Variants in EYS observed in about 807,000 individuals in gnomAD.
The protein encoded by EYS is EGF-like photoreceptor maintenance factor, also known as protein eyes shut homolog.
A neutral mutation model predicts 282.1 loss-of-function variants in EYS; 250 were observed. The ratio of observed to expected loss-of-function variants is 0.89; its 90% CI spans 0.80 to 0.98. The LOEUF (loss-of-function observed/expected upper bound fraction) is 0.98, where lower values mean the gene tolerates loss of function less well. Among genes scored for constraint, EYS ranks in the 50% least tolerant of loss-of-function variants. The pLI, the probability that EYS is intolerant of heterozygous loss-of-function variation, is 0.00. For synonymous variants in EYS, 1,355 were observed against 1,282.9 expected (o/e 1.06, Z -1.20); for missense variants, 4,016 against 3,709.0 (o/e 1.08, Z -2.15).
intron 8 of EYS, among the ~76,000 whole-genome samples, chr6:65,357,624 T>A (rs1002530121): frequency 3.3e-4 from 50 of 152,132 alleles, no homozygotes; most frequent in African/African-American, 1.2e-3. Context: ...GTGGATAATA[T>A]AAAACAAATG....
intron 26 of EYS, among the ~76,000 whole-genome samples, chr6:64,474,973 C>G (rs1022665876): frequency 2.0e-5 from 3 of 152,188 alleles, no homozygotes; most frequent in African/African-American, 7.2e-5. Context: ...TGAGCTGATT[C>G]TCCTGGGTCT....
chr6:64,369,237 A>G (rs1300101313), intron 29 of EYS, among the ~76,000 whole-genome samples: 1 of 152,038 alleles, frequency 6.6e-6, no homozygotes, highest in Non-Finnish European at 1.5e-5. Context: ...ATAGGTGTAC[A>G]GCATTATTTC....
At chr6:63,928,337 A>C (rs1764781754) in intron 35 of EYS, among the ~76,000 whole-genome samples, 1 of 152,180 alleles carries the variant, frequency 6.6e-6, no homozygotes, top group South Asian at 2.1e-4. Context: ...CATTCTTCTC[A>C]TTGCCTAGGA....
At chr6:64,273,124 T>C (rs1311751946) in intron 30 of EYS, among the ~76,000 whole-genome samples, 1 of 152,170 alleles carries the variant, frequency 6.6e-6, no homozygotes, top group African/African-American at 2.4e-5. Context: ...ATGGAAGTGG[T>C]AAAAAGCTTA....
intron 8 of EYS, among the ~76,000 whole-genome samples, chr6:65,367,581 T>C (rs1764963052): frequency 6.6e-6 from 1 of 151,708 alleles, no homozygotes; most frequent in Non-Finnish European, 1.5e-5. Context: ...ATCTATCACT[T>C]CTTATAGTTG....
At chr6:64,896,366 A>G (rs1562247763) in intron 18 of EYS, among the ~76,000 whole-genome samples, 1 of 152,066 alleles carries the variant, frequency 6.6e-6, no homozygotes, top group Non-Finnish European at 1.5e-5. Flanking sequence ...AGGGAAGCCC[A>G]GAGGGACCTT....
chr6:65,605,485 C>T lies in EYS; in HGVS notation c.-333+34293G>A, dbSNP rs188363205. Among the ~76,000 whole-genome samples, 1,058 of 151,880 alleles carry T rather than the reference C, an allele frequency of 7.0e-3. 9 individuals carry two copies. The highest frequency in any genetic ancestry group is 0.012 in the Non-Finnish European group (819 of 67,872). On this transcript the variant is annotated intron_variant, in intron 2 of 42. Coordinates refer to ENST00000503581, the MANE Select transcript of EYS (RefSeq NM_001142800.2). ...ATTTGTACAGCCTTTTAGAAATACT[C>T]CTTTTGAATATATGTCTAATAAATT...
intron 22 of EYS, among the ~76,000 whole-genome samples, chr6:64,649,727 A>T (rs1339061388): frequency 6.6e-6 from 1 of 152,204 alleles, no homozygotes; most frequent in Non-Finnish European, 1.5e-5. Flanking sequence ...TCTGACAAAT[A>T]TCTCAAAGAC....
intron 31 of EYS, among the ~76,000 whole-genome samples, chr6:64,184,346 CT>C (rs773980670): frequency 3.9e-5 from 6 of 152,094 alleles, no homozygotes; most frequent in Non-Finnish European, 8.8e-5. Flanking sequence ...AACCATGTGC[CT>C]TCTGCCTGAT....
intron 36 of EYS, among the ~76,000 whole-genome samples, chr6:63,810,080 A>T (rs1385886701): frequency 8.7e-6 from 1 of 114,288 alleles, no homozygotes; most frequent in African/African-American, 3.2e-5. Flanking sequence ...CCTCTACTTT[A>T]AAAAAAAAAA....
intron 2 of EYS, among the ~76,000 whole-genome samples, chr6:65,574,996 A>C (rs576512402): frequency 2.0e-5 from 3 of 152,130 alleles, no homozygotes; most frequent in Non-Finnish European, 4.4e-5. Context: ...TTTGAAAATT[A>C]AACAGCATGG....
At chr6:64,193,432 T>A (rs1765178974) in intron 31 of EYS, among the ~76,000 whole-genome samples, 1 of 152,004 alleles carries the variant, frequency 6.6e-6, no homozygotes. Context: ...TGCCTCAGCC[T>A]CCCCAGTAGC....
At chr6:64,956,668 T>G (rs1481851139) in intron 14 of EYS, among the ~76,000 whole-genome samples, 1 of 152,078 alleles carries the variant, frequency 6.6e-6, no homozygotes, top group Non-Finnish European at 1.5e-5. Flanking sequence ...AGAGGAAAAT[T>G]TTTGTAAATT....
chr6:63,764,997 G>A (rs1325263443), intron 40 of EYS, among the ~76,000 whole-genome samples: 1 of 151,904 alleles, frequency 6.6e-6, no homozygotes, highest in African/African-American at 2.4e-5. Flanking sequence ...AACCCTTGAT[G>A]TTAATTCATT....
intron 26 of EYS, among the ~76,000 whole-genome samples, chr6:64,586,521 T>C (rs1562076637): frequency 6.6e-6 from 1 of 152,030 alleles, no homozygotes; most frequent in South Asian, 2.1e-4. Flanking sequence ...ATTTCTATAT[T>C]GGTATGATTA....
At chr6:65,353,213 A>T (rs960027990) in intron 9 of EYS, among the ~76,000 whole-genome samples, 1 of 151,884 alleles carries the variant, frequency 6.6e-6, no homozygotes, top group African/African-American at 2.4e-5. Context: ...GATTTATGAA[A>T]GTAGGAAATA....
At chr6:64,862,336 C>T (rs1308460566) in intron 19 of EYS, among the ~76,000 whole-genome samples, 1 of 152,170 alleles carries the variant, frequency 6.6e-6, no homozygotes, top group Non-Finnish European at 1.5e-5. Context: ...CTTGTCACCT[C>T]AATTATCTGG....
intron 12 of EYS, among the ~76,000 whole-genome samples, chr6:65,203,393 C>T (rs1050968156): frequency 7.9e-5 from 12 of 152,074 alleles, no homozygotes; most frequent in Non-Finnish European, 1.3e-4. Flanking sequence ...AGCCTGACCA[C>T]ATACACAGCA....
At chr6:64,169,984 C>T (rs116064153) in intron 31 of EYS, among the ~76,000 whole-genome samples, 4,258 of 152,118 alleles carry the variant, frequency 0.028, 65 homozygotes, top group Non-Finnish European at 0.045. Flanking sequence ...GAATATAGAC[C>T]GATGAGGTTT....
Sources: gnomAD v4.1 joint callset for allele counts (sites outside exome capture counted in the v4.1 genomes callset) on GRCh38, gnomAD v4.1.1 for gene constraint, MANE v1.5 for transcripts, NCBI Gene and HGNC (gene_info 2026-07-23, HGNC 2026-07-21) for gene names.